The following ADGRV1 variants were observed in gnomAD, a reference collection of about 807,000 sequenced individuals.
The protein encoded by ADGRV1 is G-protein coupled receptor 98.
In ADGRV1, 359 loss-of-function variants were observed where a neutral mutation model predicts 596.2. The ratio of observed to expected loss-of-function variants is 0.60; its 90% confidence interval spans 0.55 to 0.66. The LOEUF is 0.66. ADGRV1 is among the 30% of genes least tolerant of loss of function. The probability of loss-of-function intolerance (pLI) is 0.00; values close to 1 mark genes in which losing one functional copy is unlikely to be tolerated. For missense variants in ADGRV1, 7,274 were observed against 7,575.6 expected, an observed-to-expected ratio of 0.96 and a Z score of 1.48; for synonymous variants, 2,681 against 2,679.2, an observed-to-expected ratio of 1.00 and a Z score of -0.02.
At chr5:90,668,175 A>G (rs1379085130) in intron 21 of ADGRV1, among the ~76,000 whole-genome samples, 1 of 151,938 alleles carries the variant, frequency 6.6e-6, no homozygotes, top group East Asian at 1.9e-4. Context: ...TTACCTAAGC[A>G]AGCCTGGGCA....
chr5:90,667,591 G>A (rs1331984394), intron 21 of ADGRV1, among the ~76,000 whole-genome samples: 1 of 150,072 alleles, frequency 6.7e-6, no homozygotes, highest in Non-Finnish European at 1.5e-5. Context: ...TTGATCGTCT[G>A]AAGCCTTCTT....
At chr5:90,602,678 T>C (rs780092783) in intron 1 of ADGRV1, among the ~76,000 whole-genome samples, 13 of 152,106 alleles carry the variant, frequency 8.5e-5, no homozygotes, top group Non-Finnish European at 1.6e-4. Context: ...GACAACCCAA[T>C]GTAATGTGGT....
chr5:90,994,898 A>G (rs976790655), intron 85 of ADGRV1, among the ~76,000 whole-genome samples: 65 of 152,210 alleles, frequency 4.3e-4, no homozygotes, highest in African/African-American at 1.5e-3. Flanking sequence ...AGAAGGCTCT[A>G]TGTGCATGTT....
At chr5:91,029,476 G>C (rs1455033614) in intron 85 of ADGRV1, among the ~76,000 whole-genome samples, 1 of 152,014 alleles carries the variant, frequency 6.6e-6, no homozygotes, top group Non-Finnish European at 1.5e-5. Flanking sequence ...AAGTTTCTCT[G>C]GAACATGTAA....
chr5:90,823,400 G>A (rs769741598), intron 75 of ADGRV1, 25 bp from the exon 76 acceptor site: 11 of 1,610,904 alleles, frequency 6.8e-6, no homozygotes, highest in Non-Finnish European at 9.3e-6. Flanking sequence ...CTCTGTTAAG[G>A]CATTGGTGGG....
At chr5:91,088,911 TAGAC>T (rs1322497124) in intron 86 of ADGRV1, among the ~76,000 whole-genome samples, 4 of 152,186 alleles carry the variant, frequency 2.6e-5, no homozygotes, top group Non-Finnish European at 5.9e-5. Context: ...ATACAAGTAT[TAGAC>T]AGCCTCTTTC....
intron 70 of ADGRV1, among the ~76,000 whole-genome samples, chr5:90,798,027 G>C (rs1760945026): frequency 6.6e-6 from 1 of 152,036 alleles, no homozygotes; most frequent in Non-Finnish European, 1.5e-5. Flanking sequence ...AACTAGAGTA[G>C]CAAGAGCAAA....
chr5:90,643,183 A>G, intron 13 of ADGRV1, 142 bp downstream of exon 13: 2 of 659,130 alleles, frequency 3.0e-6, no homozygotes, highest in Admixed American at 6.5e-5. Context: ...AGATTTGGAA[A>G]ATTTTTAACA....
chr5:90,824,801 C>A (rs551043875), intron 76 of ADGRV1, among the ~76,000 whole-genome samples: 69 of 152,278 alleles, frequency 4.5e-4, no homozygotes, highest in African/African-American at 1.6e-3. Flanking sequence ...TATGTCCTTT[C>A]ATTTAAAGTT....
At chr5:90,584,423 G>T (rs1758477824) in intron 1 of ADGRV1, among the ~76,000 whole-genome samples, 1 of 152,114 alleles carries the variant, frequency 6.6e-6, no homozygotes, top group African/African-American at 2.4e-5. Context: ...ATATGTATGT[G>T]CTTTAGGCAT....
chr5:91,103,109 T>G (rs1791537575), intron 87 of ADGRV1, among the ~76,000 whole-genome samples: 1 of 152,158 alleles, frequency 6.6e-6, no homozygotes, highest in Non-Finnish European at 1.5e-5. Flanking sequence ...TATACACACC[T>G]TCAGAATTGT....
chr5:90,989,072 G>A (rs1780744734), intron 85 of ADGRV1, among the ~76,000 whole-genome samples: 2 of 151,890 alleles, frequency 1.3e-5, no homozygotes, highest in African/African-American at 2.4e-5. Flanking sequence ...CCAAGTCTTT[G>A]CTATTGTGAA....
chr5:90,774,660 G>A (rs951768524), intron 60 of ADGRV1, among the ~76,000 whole-genome samples: 3 of 152,058 alleles, frequency 2.0e-5, no homozygotes, highest in African/African-American at 7.2e-5. Flanking sequence ...GCCATTCAAC[G>A]TGACATAACA....
intron 85 of ADGRV1, among the ~76,000 whole-genome samples, chr5:91,014,168 ACACACACC>A (rs1411883436): frequency 1.3e-5 from 2 of 151,150 alleles, no homozygotes; most frequent in Admixed American, 6.6e-5. Flanking sequence ...ACACACACAC[ACACACACC>A]CCTAGACATA....
intron 85 of ADGRV1, among the ~76,000 whole-genome samples, chr5:91,058,462 C>CA (rs1554209988): frequency 6.9e-6 from 1 of 144,454 alleles, no homozygotes; most frequent in South Asian, 2.2e-4. Context: ...GGTAATTGAC[C>CA]TTTTTTTTTT....
chr5:91,080,711 A>C (rs1461452393), intron 86 of ADGRV1, among the ~76,000 whole-genome samples: 1 of 151,804 alleles, frequency 6.6e-6, no homozygotes, highest in African/African-American at 2.4e-5. Context: ...AAACATCCCT[A>C]GTTTTCCTCA....
intron 85 of ADGRV1, among the ~76,000 whole-genome samples, chr5:91,041,034 T>C (rs1785296192): frequency 6.6e-6 from 1 of 152,206 alleles, no homozygotes; most frequent in African/African-American, 2.4e-5. Flanking sequence ...ATTACACTGT[T>C]GGTGGGAGTG....
intron 75 of ADGRV1, among the ~76,000 whole-genome samples, chr5:90,819,721 CG>C (rs1474691761): frequency 6.6e-6 from 1 of 151,644 alleles, no homozygotes; most frequent in Non-Finnish European, 1.5e-5. Flanking sequence ...TGTAGTTGAG[CG>C]GTTTTGAGTG....
intron 1 of ADGRV1, among the ~76,000 whole-genome samples, chr5:90,608,161 AT>A (rs1308773833): frequency 6.6e-6 from 1 of 152,120 alleles, no homozygotes; most frequent in Non-Finnish European, 1.5e-5. Flanking sequence ...AAGGAATAAG[AT>A]ATAAGGAAAT....
Sources: gnomAD v4.1 joint callset for allele counts (sites outside exome capture counted in the v4.1 genomes callset) on GRCh38, gnomAD v4.1.1 for gene constraint, MANE v1.5 for transcripts, NCBI Gene and HGNC (gene_info 2026-07-23, HGNC 2026-07-21) for gene names.